The following EYS variants were observed in gnomAD, a reference collection of about 807,000 sequenced individuals.
EYS encodes EGF-like photoreceptor maintenance factor.
Under a neutral mutation model 282.1 loss-of-function variants are expected in EYS, and 250 were observed. That is an observed-to-expected ratio of 0.89 (90% CI 0.80 to 0.98). The LOEUF is 0.98. Ranked by LOEUF, EYS falls within the 50% of genes least tolerant of loss-of-function variation. The pLI is 0.00. For missense variants in EYS, 4,016 were observed against 3,709.0 expected (o/e 1.08, Z -2.15); for synonymous variants, 1,355 against 1,282.9 (o/e 1.06, Z -1.20).
intron 41 of EYS, among the ~76,000 whole-genome samples, chr6:63,753,276 T>G (rs1420590535): frequency 2.0e-5 from 3 of 151,384 alleles, no homozygotes; most frequent in Non-Finnish European, 4.4e-5. Context: ...TTATGGATGT[T>G]TTAGGAGTCT....
intron 35 of EYS, among the ~76,000 whole-genome samples, chr6:63,933,674 C>T (rs948739885): frequency 7.2e-5 from 11 of 152,120 alleles, no homozygotes; most frequent in Non-Finnish European, 1.6e-4. Flanking sequence ...CAGCCTCCAT[C>T]GTGAAGCTAT....
At chr6:65,568,187 C>T (rs1764344982) in intron 2 of EYS, among the ~76,000 whole-genome samples, 1 of 152,108 alleles carries the variant, frequency 6.6e-6, no homozygotes, top group East Asian at 1.9e-4. Context: ...GTTCCTGATC[C>T]ATATCCATTC....
chr6:64,984,181 A>G (rs1770772927), intron 14 of EYS, among the ~76,000 whole-genome samples: 1 of 151,446 alleles, frequency 6.6e-6, no homozygotes, highest in African/African-American at 2.4e-5. Flanking sequence ...TTCTGAGGTC[A>G]GATATAGTCT....
In EYS at chr6:63,959,254, T is replaced by C. The variant is rs530910306; in HGVS notation, c.7055+25129A>G. Among the ~76,000 whole-genome samples, 20 of 152,022 alleles carry C rather than the reference T, an allele frequency of 1.3e-4. 1 individual carries two copies. The highest frequency in any genetic ancestry group is 5.9e-4 in the Admixed American group (9 of 15,274). ...AAGACATCTACGCAGCCAACAAACA[T>C]GAAAAAAAGTTCAACATCACTGATA... On this transcript the variant is annotated intron_variant, in intron 35 of 42. Transcript: ENST00000503581.
intron 31 of EYS, among the ~76,000 whole-genome samples, chr6:64,225,902 T>A (rs1477088804): frequency 6.6e-6 from 1 of 152,202 alleles, no homozygotes; most frequent in African/African-American, 2.4e-5. Context: ...TCCCATTTAT[T>A]TTCAATTTAA....
intron 34 of EYS, among the ~76,000 whole-genome samples, chr6:63,996,961 G>A (rs1314281946): frequency 6.6e-6 from 1 of 151,950 alleles, no homozygotes; most frequent in Non-Finnish European, 1.5e-5. Context: ...TAACCCCTTT[G>A]GTGTCAATCT....
At chr6:64,879,444 C>T (rs1007472243) in intron 19 of EYS, among the ~76,000 whole-genome samples, 1 of 146,856 alleles carries the variant, frequency 6.8e-6, no homozygotes, top group Non-Finnish European at 1.5e-5. Flanking sequence ...AGCACATACA[C>T]GCAGAAAAAA....
chr6:63,755,438 G>A (rs4710439), intron 41 of EYS, among the ~76,000 whole-genome samples: 54,721 of 151,956 alleles, frequency 0.36, 10,652 homozygotes, highest in African/African-American at 0.5. Flanking sequence ...TCAGATGGCT[G>A]TAGATGTGTG....
chr6:64,874,337 G>A lies in EYS; in HGVS notation c.2992+12360C>T, dbSNP rs533307538. Among the ~76,000 whole-genome samples the A allele has an allele frequency of 2.9e-4, 44 of 152,056 alleles. No individual in the cohort carries two copies. The East Asian group carries it at 8.1e-3, about 28-fold the overall frequency. On this transcript the variant is annotated intron_variant, in intron 19 of 42. Coordinates refer to ENST00000503581, the MANE Select transcript of EYS (RefSeq NM_001142800.2). The stretch of plus-strand genomic sequence containing the variant: ...AAAAGAGGTAGAATTTCATTGTATC[G>A]AATTCTCTTTTCTTCCCTTTCTACT...
chr6:65,271,822 G>A (rs369720799), intron 12 of EYS, among the ~76,000 whole-genome samples: 6 of 152,020 alleles, frequency 3.9e-5, no homozygotes, highest in East Asian at 3.9e-4. Flanking sequence ...GACGTCAAGC[G>A]ATCCACCTGC....
chr6:63,937,395 T>TTTTGTTTG (rs1765099198), intron 35 of EYS, among the ~76,000 whole-genome samples: 1 of 109,612 alleles, frequency 9.1e-6, no homozygotes, highest in African/African-American at 3.8e-5. Context: ...TTTTTTTTTT[T>TTTTGTTTG]TTTGAGACGG....
chr6:64,782,397 G>T (rs1029548062), intron 22 of EYS, among the ~76,000 whole-genome samples: 1 of 152,100 alleles, frequency 6.6e-6, no homozygotes, highest in Non-Finnish European at 1.5e-5. Flanking sequence ...CAGGCACAAC[G>T]AAATTTTCAT....
intron 33 of EYS, among the ~76,000 whole-genome samples, chr6:64,050,197 G>C (rs1266080180): frequency 2.6e-5 from 4 of 151,760 alleles, no homozygotes; most frequent in Non-Finnish European, 4.4e-5. Flanking sequence ...CAAATGACAG[G>C]CTTCTTCTCA....
At chr6:64,098,781 T>A (rs1772724562) in intron 31 of EYS, among the ~76,000 whole-genome samples, 1 of 151,942 alleles carries the variant, frequency 6.6e-6, no homozygotes, top group African/African-American at 2.4e-5. Flanking sequence ...TTTGTACTTT[T>A]TAGTAGAGGT....
chr6:65,500,706 T>C (rs1469902940), intron 2 of EYS, among the ~76,000 whole-genome samples: 1 of 152,026 alleles, frequency 6.6e-6, no homozygotes, highest in East Asian at 1.9e-4. Flanking sequence ...AGTATCCTTT[T>C]TGAAGAAGAA....
At chr6:65,410,452 G>A (rs1427952903) in intron 5 of EYS, among the ~76,000 whole-genome samples, 3 of 151,824 alleles carry the variant, frequency 2.0e-5, no homozygotes, top group African/African-American at 7.3e-5. Context: ...CCTTACTTAA[G>A]CATAGTCACT....
At chr6:64,697,890 T>G (rs983548272) in intron 22 of EYS, among the ~76,000 whole-genome samples, 2 of 152,058 alleles carry the variant, frequency 1.3e-5, no homozygotes, top group African/African-American at 4.8e-5. Flanking sequence ...TGCAGTGAGC[T>G]GAGATTGTAC....
intron 36 of EYS, among the ~76,000 whole-genome samples, chr6:63,829,845 G>A (rs1194503912): frequency 2.0e-5 from 3 of 152,172 alleles, no homozygotes; most frequent in South Asian, 2.1e-4. Context: ...ATAGAGCTAG[G>A]TGCCCCTCTG....
intron 22 of EYS, among the ~76,000 whole-genome samples, chr6:64,766,801 C>T (rs962282275): frequency 1.3e-5 from 2 of 148,990 alleles, no homozygotes; most frequent in African/African-American, 4.9e-5. Context: ...TGTACTTAAT[C>T]ATTTGAACAG....
Sources: allele counts gnomAD v4.1 joint callset (sites outside exome capture counted in the v4.1 genomes callset), GRCh38; gene constraint gnomAD v4.1.1; transcripts MANE v1.5; gene names NCBI Gene and HGNC (gene_info 2026-07-23, HGNC 2026-07-21).